Variants in ZNF141 observed in about 807,000 individuals in gnomAD.
ZNF141 encodes zinc finger protein 141 (clone pHZ-44).
In ZNF141, 7 loss-of-function variants were observed where a neutral mutation model predicts 11.3. The ratio of observed to expected loss-of-function variants is 0.62; its 90% CI spans 0.35 to 1.16. The LOEUF is 1.16. Ranked by LOEUF, ZNF141 falls within the 50% of genes most tolerant of loss-of-function variation. The pLI, the probability that ZNF141 is intolerant of heterozygous loss-of-function variation, is 0.02. For missense variants in ZNF141, 535 were observed against 554.0 expected (o/e 0.97, Z 0.34); for synonymous variants, 183 against 190.7 (o/e 0.96, Z 0.33).
In ZNF141 at chr4:346,894, C is replaced by CACACACACACACA. The variant is rs1553849669; in HGVS notation, c.226+2464_226+2465insACACACACACACA. Among the ~76,000 whole-genome samples the CACACACACACACA allele has an allele frequency of 4.9e-3, 396 of 81,476 alleles. 15 individuals carry two copies. The South Asian group carries it at 0.096, about 20-fold the overall frequency. 53.5% of individuals were successfully genotyped at this position (81,476 alleles called of 152,430 possible). A position where few individuals can be genotyped will look rare whatever the true frequency, so the allele number is the denominator to read the frequency against. On this transcript the variant is annotated intron_variant, in intron 3 of 3. Transcript: ENST00000240499. Reference sequence around the variant, plus strand: ...ATATATGTATACACACACACACACACCGCCCCCCCCATATATTGGCTACTG... The same window carrying CACACACACACACA: ...ATATATGTATACACACACACACACACACACACACACACACGCCCCCCCCATATATTGGCTACTG...
chr4:375,862 T>C lies in ZNF141; in HGVS notation c.*2000T>C, dbSNP rs1354295531. The stretch of plus-strand genomic sequence containing the variant: ...ATTTGTGAATTTTTACAAGAAAGAG[T>C]GAGGACAGAAATGAAAGATCCATGA... On this transcript the variant is annotated 3_prime_UTR_variant, in exon 4 of 4. Transcript: ENST00000240499. Among the ~76,000 whole-genome samples, 1 of 151,898 alleles carries C rather than the reference T, an allele frequency of 6.6e-6. No homozygotes were observed. The highest frequency in any genetic ancestry group is 1.5e-5 in the Non-Finnish European group (1 of 67,876).
intron 3 of ZNF141, among the ~76,000 whole-genome samples, chr4:348,897 G>T (rs1231927840): frequency 6.6e-6 from 1 of 152,036 alleles, no homozygotes; most frequent in African/African-American, 2.4e-5. Flanking sequence ...TGAATCTATA[G>T]ATCACTTTGG....
intron 3 of ZNF141, among the ~76,000 whole-genome samples, chr4:364,960 C>T (rs1553852769): frequency 6.6e-6 from 1 of 152,250 alleles, no homozygotes. Context: ...AGGCAACTGG[C>T]CTTGTTGAGA....
Position 373,103 on chromosome 4 carries a change from T to C in ZNF141, c.666T>C (p.Thr222=). The part of the protein sequence containing the change: ...LIFNEHKRIH[T]GEKPFTCEEC... ...TTAATGAACATAAGAGAATTCATAC[T>C]GGAGAGAAACCTTTTACTTGTGAAG... The change falls in exon 4 of 4, where the codon ACT becomes ACC. Residue 222 remains threonine (T), a synonymous_variant. Transcript: ENST00000240499. 1 of 1,613,952 alleles carries C rather than the reference T, an allele frequency of 6.2e-7. No individual in the cohort carries two copies. The highest frequency in any genetic ancestry group is 8.5e-7 in the Non-Finnish European group (1 of 1,179,996).
chr4:341,932 T>C (rs1721069773), intron 1 of ZNF141, among the ~76,000 whole-genome samples: 1 of 152,234 alleles, frequency 6.6e-6, no homozygotes, highest in South Asian at 2.1e-4. Flanking sequence ...CTGTTCTCTA[T>C]CCCTGCAGTT....
intron 3 of ZNF141, among the ~76,000 whole-genome samples, chr4:348,744 AC>A (rs1721457784): frequency 6.6e-6 from 1 of 151,930 alleles, no homozygotes; most frequent in South Asian, 2.1e-4. Flanking sequence ...AAAAAAAAAA[AC>A]AAGTATGATG....
chr4:375,488 T>C lies in ZNF141; in HGVS notation c.*1626T>C, dbSNP rs1712317622. On this transcript the variant is annotated 3_prime_UTR_variant, in exon 4 of 4. Transcript: ENST00000240499. The stretch of plus-strand genomic sequence containing the variant: ...GCAGTAAATGTGAAGAAATATTTAG[T>C]CTAAAAAGAAGAGTATGTAAACATC... 6.6e-6 allele frequency among the ~76,000 whole-genome samples: 1 copy of C among 152,054 alleles called. No individual in the cohort carries two copies. The highest frequency in any genetic ancestry group is 1.5e-5 in the Non-Finnish European group (1 of 67,940).
intron 3 of ZNF141, among the ~76,000 whole-genome samples, chr4:368,694 TGA>T (rs1711873098): frequency 6.6e-6 from 1 of 152,240 alleles, no homozygotes; most frequent in Non-Finnish European, 1.5e-5. Context: ...ACCATATGTG[TGA>T]GAGTTCATAT....
rs1227977875 is a variant in ZNF141, at chr4:373,971, G to A, written c.*109G>A. On this transcript the variant is annotated 3_prime_UTR_variant, in exon 4 of 4. Transcript: ENST00000240499. ...GAGAAACCCTGGAAATGTGAAGAAC[G>A]TGGCAAAGTTCTTTACCTCATTCTC... is the stretch of plus-strand genomic sequence containing the variant. 30 of 1,000,554 alleles carry A rather than the reference G, an allele frequency of 3.0e-5. No individual in the cohort carries two copies. In the Middle Eastern group the frequency reaches 9.5e-4, roughly 32 times the overall value. 62.0% of individuals were successfully genotyped at this position (1,000,554 alleles called of 1,614,324 possible).
chr4:360,854 A>G (rs868966918), intron 3 of ZNF141, among the ~76,000 whole-genome samples: 16 of 151,952 alleles, frequency 1.1e-4, no homozygotes, highest in Admixed American at 8.5e-4. Flanking sequence ...AAAGTTTTCT[A>G]TATGGTATTT....
intron 1 of ZNF141, among the ~76,000 whole-genome samples, chr4:339,494 G>T (rs1227991632): frequency 8.2e-6 from 1 of 121,414 alleles, no homozygotes; most frequent in Non-Finnish European, 1.7e-5. Flanking sequence ...TGTGCTACAA[G>T]AATTCAACGT....
At position 379,687 on chromosome 4, in the gene ZNF141, A is replaced by T. The variant is rs1223323019; in HGVS notation, c.*5825A>T. Among the ~76,000 whole-genome samples, 1 of 152,218 alleles carries T rather than the reference A, an allele frequency of 6.6e-6. No homozygotes were observed. The highest frequency in any genetic ancestry group is 6.5e-5 in the Admixed American group (1 of 15,268). On this transcript the variant is annotated 3_prime_UTR_variant, in exon 4 of 4. Coordinates refer to ENST00000240499, the MANE Select transcript of ZNF141 (RefSeq NM_003441.4). ...TGCGCCCAGCCTCTATGGTTATTAT[A>T]TTACAAAAACAGCACAAAAACTATA...
intron 3 of ZNF141, among the ~76,000 whole-genome samples, chr4:369,760 A>ATTTTTTTT (rs1240893040): frequency 1.2e-4 from 4 of 34,068 alleles, no homozygotes; most frequent in African/African-American, 8.0e-4. Flanking sequence ...ATATATATAT[A>ATTTTTTTT]TATATTTTTT....
chr4:339,297 G>A (rs1313488983), intron 1 of ZNF141, among the ~76,000 whole-genome samples: 1 of 152,220 alleles, frequency 6.6e-6, no homozygotes, highest in Non-Finnish European at 1.5e-5. Context: ...AATCTCCTCT[G>A]CCTTTATGGG....
In ZNF141 at chr4:376,064, GATT is replaced by G. The variant is rs1712350619; in HGVS notation, c.*2205_*2207del. Reference sequence around the variant, plus strand: ...ACAGTAAATTTTAAAATTATTTTAAGATTATGTGGGAACATAATTTTTTAACTA... The same window carrying G: ...ACAGTAAATTTTAAAATTATTTTAAGATGTGGGAACATAATTTTTTAACTA... On this transcript the variant is annotated 3_prime_UTR_variant, in exon 4 of 4. Coordinates refer to ENST00000240499, the MANE Select transcript of ZNF141 (RefSeq NM_003441.4). 6.6e-6 allele frequency among the ~76,000 whole-genome samples: 1 copy of G among 152,090 alleles called. No homozygotes were observed. The highest frequency in any genetic ancestry group is 2.1e-4 in the South Asian group (1 of 4,824).
Position 377,059 on chromosome 4 carries a change from T to C in ZNF141, c.*3197T>C, listed in dbSNP as rs1366991130. 6.6e-6 allele frequency among the ~76,000 whole-genome samples: 1 copy of C among 152,220 alleles called. No individual in the cohort carries two copies. Among genetic ancestry groups the C allele is most frequent in the Non-Finnish European group, 1.5e-5 (1 of 68,026 alleles). On this transcript the variant is annotated 3_prime_UTR_variant, in exon 4 of 4. Transcript: ENST00000240499. The stretch of plus-strand genomic sequence containing the variant: ...TTTTTAGATGTAATTTCATAATATA[T>C]GTATTAAGTTATTTTAGTTAGAACA...
chr4:373,812 G>A lies in ZNF141; in HGVS notation c.1375G>A (p.Ala459Thr). ...KPYKCKDCDKAFKRFSHLNKH... is the reference protein window; with the variant it reads ...KPYKCKDCDKTFKRFSHLNKH... The stretch of plus-strand genomic sequence containing the variant: ...CTACAAATGTAAAGATTGTGACAAA[G>A]CCTTTAAACGGTTCTCACACCTGAA... Residue 459 changes from alanine to threonine, a missense_variant, in exon 4 of 4, where the codon GCC (alanine) becomes ACC (threonine). Ala to Thr is a moderately conservative substitution (Grantham distance 58). Coordinates refer to ENST00000240499, the MANE Select transcript of ZNF141 (RefSeq NM_003441.4). The A allele has an allele frequency of 6.2e-7, 1 of 1,613,036 alleles. No individual in the cohort carries two copies. The highest frequency in any genetic ancestry group is 8.5e-7 in the Non-Finnish European group (1 of 1,179,330).
rs1712655335 is a variant in ZNF141 at position 382,179 on chromosome 4, C to T, written c.*8317C>T. Among the ~76,000 whole-genome samples the T allele has an allele frequency of 6.6e-6, 1 of 151,752 alleles. No individual in the cohort carries two copies. Among genetic ancestry groups the T allele is most frequent in the Non-Finnish European group, 1.5e-5 (1 of 67,970 alleles). On this transcript the variant is annotated 3_prime_UTR_variant, in exon 4 of 4. Coordinates refer to ENST00000240499, the MANE Select transcript of ZNF141 (RefSeq NM_003441.4). The stretch of plus-strand genomic sequence containing the variant: ...GCCAACAAGGTCTTGATTTCCTGAC[C>T]TCGTGATCCGCCTGCCTCAGCCTAC...
At position 346,333 on chromosome 4, in the gene ZNF141, A is replaced by G. The variant is rs183816410; in HGVS notation, c.226+1903A>G. Among the ~76,000 whole-genome samples the G allele has an allele frequency of 1.8e-4, 28 of 152,338 alleles. No individual in the cohort carries two copies. The East Asian group carries it at 4.2e-3, about 23-fold the overall frequency. ...TGTGTGACATGGATTTTTCTGATAAATAAAAATTATGTAACTTTATATTTA... is the reference window on the plus strand; with the variant it reads ...TGTGTGACATGGATTTTTCTGATAAGTAAAAATTATGTAACTTTATATTTA... On this transcript the variant is annotated intron_variant, in intron 3 of 3. Transcript: ENST00000240499.
Sources: gnomAD v4.1 joint callset for allele counts (sites outside exome capture counted in the v4.1 genomes callset) on GRCh38, gnomAD v4.1.1 for gene constraint, MANE v1.5 for transcripts, NCBI Gene and HGNC (gene_info 2026-07-23, HGNC 2026-07-21) for gene names.